The following XRCC4 variants were observed in gnomAD, a reference collection of about 807,000 sequenced individuals.
The protein encoded by XRCC4 is DNA repair protein XRCC4.
Under a neutral mutation model 39.1 loss-of-function variants are expected in XRCC4, and 28 were observed. The ratio of observed to expected loss-of-function variants is 0.72; its 90% CI spans 0.53 to 0.98. XRCC4 has a LOEUF of 0.98. Among genes scored for constraint, XRCC4 ranks in the 50% least tolerant of loss-of-function variants. XRCC4 has a pLI of 0.00. For synonymous variants in XRCC4, 123 were observed against 126.4 expected, an observed-to-expected ratio of 0.97 and a Z score of 0.18; for missense variants, 350 against 376.4, an observed-to-expected ratio of 0.93 and a Z score of 0.58.
intron 7 of XRCC4, among the ~76,000 whole-genome samples, chr5:83,273,371 T>C (rs1262182317): frequency 6.6e-6 from 1 of 152,230 alleles, no homozygotes; most frequent in Non-Finnish European, 1.5e-5. Context: ...TTCTGTAGGT[T>C]GCCTGTTCAC....
chr5:83,110,576 T>C (rs1409955894), intron 2 of XRCC4, among the ~76,000 whole-genome samples: 1 of 152,062 alleles, frequency 6.6e-6, no homozygotes, highest in African/African-American at 2.4e-5. Context: ...GATATGAGAA[T>C]AGTGAGCTCC....
intron 6 of XRCC4, among the ~76,000 whole-genome samples, chr5:83,217,901 CCAAGTATCTGT>C (rs1751924927): frequency 1.3e-5 from 2 of 151,996 alleles, no homozygotes; most frequent in African/African-American, 4.8e-5. Flanking sequence ...CTGTTTTGCT[CCAAGTATCTGT>C]GACCAGGATT....
At chr5:83,236,538 A>G (rs1176257027) in intron 6 of XRCC4, among the ~76,000 whole-genome samples, 1 of 152,054 alleles carries the variant, frequency 6.6e-6, no homozygotes, top group African/African-American at 2.4e-5. Context: ...AGAACCCTAT[A>G]TCTCACCATA....
At chr5:83,268,330 CA>C (rs1754025841) in intron 7 of XRCC4, among the ~76,000 whole-genome samples, 1 of 152,092 alleles carries the variant, frequency 6.6e-6, no homozygotes, top group Non-Finnish European at 1.5e-5. Context: ...CAACCTACCA[CA>C]AAAGATGGAT....
intron 7 of XRCC4, among the ~76,000 whole-genome samples, chr5:83,324,608 G>A (rs887648534): frequency 2.6e-5 from 4 of 152,062 alleles, no homozygotes; most frequent in East Asian, 1.9e-4. Flanking sequence ...GCTTTTTAGT[G>A]TAGCTAAAAG....
At chr5:83,307,938 T>C (rs1247172265) in intron 7 of XRCC4, among the ~76,000 whole-genome samples, 1 of 152,218 alleles carries the variant, frequency 6.6e-6, no homozygotes, top group Non-Finnish European at 1.5e-5. Context: ...GAACTTTATA[T>C]TTTCAGTTTT....
chr5:83,371,001 G>C, the XRCC4 span, among the ~76,000 whole-genome samples: 373 of 152,248 alleles, frequency 2.4e-3, 2 homozygotes, highest in African/African-American at 8.7e-3. Flanking sequence ...TGCAAGGCCT[G>C]TCAGCATATG....
At chr5:83,338,191 A>G (rs1277100739) in intron 7 of XRCC4, among the ~76,000 whole-genome samples, 5 of 152,242 alleles carry the variant, frequency 3.3e-5, no homozygotes, top group Non-Finnish European at 7.3e-5. Context: ...TTTCAGCTGT[A>G]GCCTTGTAGG....
At chr5:83,339,947 T>A (rs1325205235) in intron 7 of XRCC4, among the ~76,000 whole-genome samples, 1 of 152,192 alleles carries the variant, frequency 6.6e-6, no homozygotes, top group Admixed American at 6.5e-5. Context: ...ATCCCATGTG[T>A]CTAGCTCAGT....
intron 3 of XRCC4, among the ~76,000 whole-genome samples, chr5:83,157,251 A>C (rs918928719): frequency 7.9e-5 from 12 of 152,100 alleles, no homozygotes; most frequent in Non-Finnish European, 8.8e-5. Flanking sequence ...ATTCAGTGGA[A>C]GGTCTCTGTG....
At chr5:83,228,873 C>T (rs942026986) in intron 6 of XRCC4, among the ~76,000 whole-genome samples, 1 of 151,814 alleles carries the variant, frequency 6.6e-6, no homozygotes, top group Admixed American at 6.6e-5. Context: ...TCTCCTTTTT[C>T]GATTAAGAAG....
chr5:83,289,440 T>G (rs1049680863), intron 7 of XRCC4, among the ~76,000 whole-genome samples: 2 of 151,920 alleles, frequency 1.3e-5, no homozygotes, highest in Admixed American at 1.3e-4. Flanking sequence ...TAATGTTTGT[T>G]GTAGCTGTAG....
At chr5:83,324,541 T>C (rs1176399402) in intron 7 of XRCC4, among the ~76,000 whole-genome samples, 1 of 152,164 alleles carries the variant, frequency 6.6e-6, no homozygotes, top group South Asian at 2.1e-4. Flanking sequence ...TTGATCAATA[T>C]TTTGGGATTT....
At chr5:83,289,525 C>A (rs1403866556) in intron 7 of XRCC4, among the ~76,000 whole-genome samples, 1 of 151,824 alleles carries the variant, frequency 6.6e-6, no homozygotes, top group Non-Finnish European at 1.5e-5. Flanking sequence ...TTCCTAAATT[C>A]TTCTCAGAGA....
rs142869626 is a variant in XRCC4 at position 83,096,100 on chromosome 5, C to A, written c.-10-8810C>A. ...CTACTGTGGGATGGAGGCTGAGTCACCAAGCCTGCCTTGGTGACTCAGATA... is the reference window on the plus strand; with the variant it reads ...CTACTGTGGGATGGAGGCTGAGTCAACAAGCCTGCCTTGGTGACTCAGATA... On this transcript the variant is annotated intron_variant, in intron 1 of 7. Coordinates refer to ENST00000396027, the MANE Select transcript of XRCC4 (RefSeq NM_003401.5). Among the ~76,000 whole-genome samples the A allele has an allele frequency of 5.6e-3, 849 of 152,120 alleles. 6 individuals carry two copies. The highest frequency in any genetic ancestry group is 0.011 in the South Asian group (53 of 4,806).
rs777195630 is a variant in XRCC4 at position 83,203,607 on chromosome 5, T to C, written c.538T>C (p.Phe180Leu). 1.2e-6 allele frequency: 2 copies of C among 1,611,270 alleles called. No individual in the cohort carries two copies. Among genetic ancestry groups the C allele is most frequent in the African/African-American group, 2.7e-5 (2 of 74,778 alleles). ...EALETDLYKR[F>L]ILVLNEKKTK... ...TTTGGAGACTGATCTTTATAAGCGG[T>C]TTATTCTGGTGTTGAATGAGAAGAA... Residue 180 changes from phenylalanine to leucine, a missense_variant, in exon 5 of 8, where the codon TTT becomes CTT. Transcript: ENST00000396027.
intron 3 of XRCC4, among the ~76,000 whole-genome samples, chr5:83,193,720 TAAAA>T (rs1050149541): frequency 1.3e-5 from 2 of 152,086 alleles, no homozygotes; most frequent in Non-Finnish European, 2.9e-5. Context: ...TTTCAAATGT[TAAAA>T]AAAACTTTTT....
intron 6 of XRCC4, among the ~76,000 whole-genome samples, chr5:83,207,387 T>C (rs762459422): frequency 1.3e-5 from 2 of 152,104 alleles, no homozygotes; most frequent in Non-Finnish European, 2.9e-5. Context: ...GTTTATTTCA[T>C]GTTCTTTCTC....
At chr5:83,220,805 C>G (rs1051540519) in intron 6 of XRCC4, among the ~76,000 whole-genome samples, 1 of 152,132 alleles carries the variant, frequency 6.6e-6, no homozygotes, top group Non-Finnish European at 1.5e-5. Flanking sequence ...TACTGATGGT[C>G]ACATTGCTTT....
Sources: gnomAD v4.1 joint callset for allele counts (sites outside exome capture counted in the v4.1 genomes callset) on GRCh38, gnomAD v4.1.1 for gene constraint, MANE v1.5 for transcripts, NCBI Gene and HGNC (gene_info 2026-07-23, HGNC 2026-07-21) for gene names.